Variants in LINGO2 observed in about 807,000 individuals in gnomAD.
LINGO2 encodes the protein leucine-rich repeat and immunoglobulin-like domain-containing nogo receptor-interacting protein 2.
Under a neutral mutation model 30.6 loss-of-function variants are expected in LINGO2, and 14 were observed. The observed-to-expected ratio is 0.46, with a 90% CI of 0.30 to 0.72. LINGO2 has a LOEUF of 0.72. LINGO2 is among the 30% of genes least tolerant of loss of function. The probability of loss-of-function intolerance (pLI) is 0.07; values close to 1 mark genes in which losing one functional copy is unlikely to be tolerated. For synonymous variants in LINGO2, 317 were observed against 288.5 expected (o/e 1.10, Z -1.00); for missense variants, 729 against 751.7 (o/e 0.97, Z 0.35).
intron 3 of LINGO2, among the ~76,000 whole-genome samples, chr9:28,311,641 G>C (rs1473949361): frequency 6.6e-6 from 1 of 152,146 alleles, no homozygotes; most frequent in African/African-American, 2.4e-5. Flanking sequence ...TGGCTCACTG[G>C]CAGTCAGAGT....
chr9:29,035,092 G>A, the LINGO2 span, among the ~76,000 whole-genome samples: 1,075 of 152,040 alleles, frequency 7.1e-3, 4 homozygotes, highest in Non-Finnish European at 0.011. Flanking sequence ...TAATAAAACC[G>A]TGAAGCTCTC....
At chr9:28,138,278 C>T (rs1380450683) in intron 4 of LINGO2, among the ~76,000 whole-genome samples, 1 of 152,144 alleles carries the variant, frequency 6.6e-6, no homozygotes, top group East Asian at 1.9e-4. Context: ...TCTCTCTGGA[C>T]TCTGATTTTT....
intron 2 of LINGO2, among the ~76,000 whole-genome samples, chr9:28,432,108 C>G (rs145347485): frequency 2.6e-5 from 4 of 151,972 alleles, no homozygotes; most frequent in African/African-American, 9.7e-5. Flanking sequence ...TAGGGTCATA[C>G]GAAAAGAGTG....
chr9:28,502,707 A>G (rs992015141), intron 1 of LINGO2, among the ~76,000 whole-genome samples: 1 of 152,154 alleles, frequency 6.6e-6, no homozygotes, highest in African/African-American at 2.4e-5. Context: ...GAAATTAATT[A>G]AAAGAATAAT....
the LINGO2 span, among the ~76,000 whole-genome samples, chr9:28,947,337 A>AGTAGATT: frequency 2.0e-5 from 3 of 152,126 alleles, no homozygotes; most frequent in African/African-American, 7.2e-5. Flanking sequence ...GCAGTGATAG[A>AGTAGATT]GTAGATTTTG....
chr9:28,003,635 G>A (rs1003899277), intron 5 of LINGO2, among the ~76,000 whole-genome samples: 6 of 151,960 alleles, frequency 3.9e-5, no homozygotes, highest in Admixed American at 6.6e-5. Context: ...CTAATTTTTC[G>A]TATTTTTAGT....
intron 1 of LINGO2, among the ~76,000 whole-genome samples, chr9:28,632,682 A>ATC (rs1563878381): frequency 7.7e-6 from 1 of 130,088 alleles, no homozygotes. Context: ...ATCTATATAA[A>ATC]AATATATTTA....
At chr9:28,768,444 AG>A in the LINGO2 span, among the ~76,000 whole-genome samples, 1 of 152,238 alleles carries the variant, frequency 6.6e-6, no homozygotes, top group East Asian at 1.9e-4. Context: ...AGACTGTTCC[AG>A]GGTTATCTTG....
chr9:28,337,506 CA>C, intron 3 of LINGO2, among the ~76,000 whole-genome samples: 1 of 152,232 alleles, frequency 6.6e-6, no homozygotes, highest in Non-Finnish European at 1.5e-5. Flanking sequence ...ATCACCAATA[CA>C]AGGGGAAAAT....
intron 1 of LINGO2, among the ~76,000 whole-genome samples, chr9:28,627,933 T>A (rs1826755659): frequency 6.6e-6 from 1 of 152,088 alleles, no homozygotes; most frequent in East Asian, 1.9e-4. Flanking sequence ...ATTTTAAATT[T>A]TTATATAACT....
intron 3 of LINGO2, among the ~76,000 whole-genome samples, chr9:28,331,693 A>G (rs1825425038): frequency 6.6e-6 from 1 of 152,034 alleles, no homozygotes; most frequent in Non-Finnish European, 1.5e-5. Context: ...TTTTTTAGAG[A>G]CAGAGTTTCA....
intron 1 of LINGO2, among the ~76,000 whole-genome samples, chr9:28,509,898 C>T (rs1298808702): frequency 6.6e-6 from 1 of 152,166 alleles, no homozygotes; most frequent in Non-Finnish European, 1.5e-5. Flanking sequence ...TTTAACAAAA[C>T]CTAAATATTT....
chr9:29,164,307 T>C, the LINGO2 span, among the ~76,000 whole-genome samples: 1 of 152,184 alleles, frequency 6.6e-6, no homozygotes, highest in Non-Finnish European at 1.5e-5. Flanking sequence ...TAATTGTTCT[T>C]CTAAGCTACT....
the LINGO2 span, among the ~76,000 whole-genome samples, chr9:28,780,927 C>T: frequency 4.0e-5 from 6 of 150,062 alleles, no homozygotes; most frequent in Admixed American, 2.0e-4. Flanking sequence ...AATCAGTTGA[C>T]GTTTATTTGA....
chr9:28,237,539 G>A (rs372353791), intron 4 of LINGO2, among the ~76,000 whole-genome samples: 1 of 151,996 alleles, frequency 6.6e-6, no homozygotes, highest in Non-Finnish European at 1.5e-5. Context: ...AAGGCCCAGT[G>A]ATCTGTTGCC....
intron 1 of LINGO2, among the ~76,000 whole-genome samples, chr9:28,638,003 A>C (rs62548209): frequency 0.1 from 15,144 of 152,076 alleles, 1,060 homozygotes; most frequent in Admixed American, 0.24. Flanking sequence ...CCCATCAATA[A>C]CTAATTTATT....
chr9:29,197,188 T>C, the LINGO2 span, among the ~76,000 whole-genome samples: 2 of 152,036 alleles, frequency 1.3e-5, no homozygotes, highest in Non-Finnish European at 1.5e-5. Flanking sequence ...CAGAAATGTA[T>C]AGCTTAAATA....
chr9:28,002,085 C>A (rs7037139), intron 5 of LINGO2, among the ~76,000 whole-genome samples: 6,125 of 152,234 alleles, frequency 0.04, 390 homozygotes, highest in African/African-American at 0.14. Flanking sequence ...ATAGGCTAAA[C>A]CTAGACCGAT....
rs112494512 is a variant in LINGO2 at position 28,261,236 on chromosome 9, A to T, written c.-87+33972T>A. On this transcript the variant is annotated intron_variant, in intron 4 of 5. Transcript: ENST00000379992. The stretch of plus-strand genomic sequence containing the variant: ...AAGGAAAGTCCTCTATATTATGTAA[A>T]GATGCAGAATTAGAGAATTAAAAAA... Among the ~76,000 whole-genome samples the T allele has an allele frequency of 1.8e-4, 27 of 152,126 alleles. 1 individual carries two copies. The highest frequency in any genetic ancestry group is 6.3e-4 in the African/African-American group (26 of 41,558).
Sources: allele counts gnomAD v4.1 joint callset (sites outside exome capture counted in the v4.1 genomes callset), GRCh38; gene constraint gnomAD v4.1.1; transcripts MANE v1.5; gene names NCBI Gene and HGNC (gene_info 2026-07-23, HGNC 2026-07-21).